TXNRD1: variants seen among roughly 807,000 people sequenced by gnomAD.
The protein encoded by TXNRD1 is thioredoxin reductase 1, cytoplasmic.
TXNRD1 carries 57 observed loss-of-function variants against 80.3 expected under a neutral mutation model. The ratio of observed to expected loss-of-function variants is 0.71; its 90% CI spans 0.57 to 0.89. TXNRD1 has a LOEUF of 0.89. TXNRD1 is among the 40% of genes least tolerant of loss of function. The pLI, the probability that TXNRD1 is intolerant of heterozygous loss-of-function variation, is 0.00. For missense variants in TXNRD1, 730 were observed against 803.0 expected, an observed-to-expected ratio of 0.91 and a Z score of 1.10; for synonymous variants, 291 against 285.2, an observed-to-expected ratio of 1.02 and a Z score of -0.20.
At chr12:104,271,869 CA>C (rs35994527) in intron 3 of TXNRD1, among the ~76,000 whole-genome samples, 7,032 of 138,028 alleles carry the variant, frequency 0.051, 192 homozygotes, top group Middle Eastern at 0.12. Flanking sequence ...GACTCCATCT[CA>C]AAAAAAAAAA....
In TXNRD1 at chr12:104,334,298, G is replaced by T. The variant is rs765296774; in HGVS notation, c.1712G>T (p.Cys571Phe). ...ATTCCGTCAAGAGATAACAACAAAT[G>T]TTATGCAAAAATAATCTGTAATACT... ...WTIPSRDNNK[C>F]YAKIICNTKD... is the part of the protein sequence containing the mutation. The change falls in exon 15 of 17, where the codon TGT becomes TTT. Residue 571 changes from cysteine to phenylalanine, a missense_variant. Coordinates refer to ENST00000525566, the MANE Select transcript of TXNRD1 (RefSeq NM_001093771.3). 2 of 1,532,198 alleles carry T rather than the reference G, an allele frequency of 1.3e-6. No individual in the cohort carries two copies. Among genetic ancestry groups the T allele is most frequent in the East Asian group, 2.4e-5 (1 of 41,152 alleles). 94.9% of individuals were successfully genotyped at this position (1,532,198 alleles called of 1,614,324 possible).
At chr12:104,286,988 C>T in intron 3 of TXNRD1, 2 of 1,281,672 alleles carry the variant, frequency 1.6e-6, no homozygotes, top group South Asian at 1.6e-5. Context: ...CGTGGCTTCT[C>T]GTAGCCATTA....
chr12:104,233,812 G>A lies in TXNRD1; in HGVS notation c.92-17715G>A, dbSNP rs189025172. 1.2e-4 allele frequency among the ~76,000 whole-genome samples: 19 copies of A among 152,208 alleles called. No individual in the cohort carries two copies. In the East Asian group the frequency reaches 1.9e-3, roughly 15 times the overall value. On this transcript the variant is annotated intron_variant, in intron 1 of 16. Coordinates refer to ENST00000525566, the MANE Select transcript of TXNRD1 (RefSeq NM_001093771.3). ...GCTGGGATTACAGGTGTGAGCCACCGCACCTGGCCCCCTTACTGAATTATT... is the reference window on the plus strand; with the variant it reads ...GCTGGGATTACAGGTGTGAGCCACCACACCTGGCCCCCTTACTGAATTATT...
intron 3 of TXNRD1, among the ~76,000 whole-genome samples, chr12:104,264,105 C>G (rs995205476): frequency 6.6e-6 from 1 of 152,312 alleles, no homozygotes; most frequent in South Asian, 2.1e-4. Context: ...TTGATACTTA[C>G]TCATTCAACA....
chr12:104,346,962 G>A (rs1195454381), intron 16 of TXNRD1, among the ~76,000 whole-genome samples: 1 of 152,130 alleles, frequency 6.6e-6, no homozygotes, highest in Admixed American at 6.5e-5. Flanking sequence ...GAGCATGGTG[G>A]CAGGTGCCTG....
At chr12:104,235,288 G>T (rs2032713821) in intron 1 of TXNRD1, among the ~76,000 whole-genome samples, 1 of 152,148 alleles carries the variant, frequency 6.6e-6, no homozygotes, top group Non-Finnish European at 1.5e-5. Flanking sequence ...GAGCAGGGGT[G>T]GGGGCTACAA....
At chr12:104,309,725 T>C (rs993212729) in intron 4 of TXNRD1, 24 of 1,455,074 alleles carry the variant, frequency 1.6e-5, no homozygotes, top group Non-Finnish European at 2.2e-5. Context: ...TTTGATCGAA[T>C]GGCTATTATT....
At chr12:104,226,429 G>A (rs2032474401) in intron 1 of TXNRD1, among the ~76,000 whole-genome samples, 2 of 152,096 alleles carry the variant, frequency 1.3e-5, no homozygotes. Context: ...ATATAATCTT[G>A]AAGCAGAAGA....
chr12:104,257,470 A>G (rs1187109454), intron 2 of TXNRD1, among the ~76,000 whole-genome samples: 2 of 148,502 alleles, frequency 1.3e-5, no homozygotes, highest in African/African-American at 5.0e-5. Context: ...GCAGTGGTAC[A>G]ATCCTGGCTC....
At chr12:104,226,026 C>T (rs981411100) in intron 1 of TXNRD1, among the ~76,000 whole-genome samples, 5 of 151,790 alleles carry the variant, frequency 3.3e-5, no homozygotes, top group Admixed American at 3.3e-4. Flanking sequence ...ATGGAGAAAC[C>T]CCATCTCTAC....
At chr12:104,235,953 G>A (rs866849957) in intron 1 of TXNRD1, among the ~76,000 whole-genome samples, 5 of 152,166 alleles carry the variant, frequency 3.3e-5, no homozygotes, top group African/African-American at 7.2e-5. Context: ...TTGTTAATCT[G>A]GGTGGTGCCA....
intron 1 of TXNRD1, among the ~76,000 whole-genome samples, chr12:104,224,296 C>G (rs549533774): frequency 9.2e-5 from 14 of 152,308 alleles, no homozygotes; most frequent in African/African-American, 2.9e-4. Context: ...TTCTGGACAT[C>G]TGTGGCTCTT....
intron 3 of TXNRD1, among the ~76,000 whole-genome samples, chr12:104,260,474 CAAACAAAAAAA>C (rs1314970127): frequency 7.9e-5 from 2 of 25,256 alleles, no homozygotes; most frequent in Non-Finnish European, 1.5e-4. Context: ...TCTCACAAAA[CAAACAAAAAAA>C]AAACACAAAA....
At chr12:104,258,930 G>A (rs1234796995) in intron 3 of TXNRD1, among the ~76,000 whole-genome samples, 1 of 151,936 alleles carries the variant, frequency 6.6e-6, no homozygotes, top group East Asian at 1.9e-4. Context: ...ACCTTGTATC[G>A]AAAAACAAAA....
At chr12:104,242,206 TGGGATTA>T (rs1370573516) in intron 1 of TXNRD1, among the ~76,000 whole-genome samples, 1 of 150,690 alleles carries the variant, frequency 6.6e-6, no homozygotes, top group Non-Finnish European at 1.5e-5. Flanking sequence ...CCCAAAGTCC[TGGGATTA>T]CAGGCATGAG....
chr12:104,223,266 A>T (rs1449445003), intron 1 of TXNRD1, among the ~76,000 whole-genome samples: 1 of 152,202 alleles, frequency 6.6e-6, no homozygotes, highest in Non-Finnish European at 1.5e-5. Flanking sequence ...TGTTTAAAAC[A>T]ACTGTGAGCA....
chr12:104,281,399 CT>C lies in TXNRD1; in HGVS notation c.305-7513del, dbSNP rs34539108. On this transcript the variant is annotated intron_variant, in intron 3 of 16. Coordinates refer to ENST00000525566, the MANE Select transcript of TXNRD1 (RefSeq NM_001093771.3). Reference sequence around the variant, plus strand: ...AGGTCTGTATATCTCCATATCTCCACTTTTTTTTTTTTTTTTTTTCTTTTTG... The same window carrying C: ...AGGTCTGTATATCTCCATATCTCCACTTTTTTTTTTTTTTTTTTCTTTTTG... Among the ~76,000 whole-genome samples the C allele has an allele frequency of 2.4e-4, 18 of 73,648 alleles. 1 individual carries two copies. Among genetic ancestry groups the C allele is most frequent in the Admixed American group, 2.0e-3 (14 of 6,990 alleles). 48.3% of individuals were successfully genotyped at this position (73,648 alleles called of 152,430 possible).
At chr12:104,265,570 A>G in intron 3 of TXNRD1, 1 of 1,608,304 alleles carries the variant, frequency 6.2e-7, no homozygotes. Context: ...TGACTCCCGG[A>G]GCGGCACCCA....
intron 3 of TXNRD1, among the ~76,000 whole-genome samples, chr12:104,260,893 C>T (rs886198396): frequency 3.3e-5 from 5 of 152,118 alleles, no homozygotes; most frequent in East Asian, 1.9e-4. Flanking sequence ...GAGGTAACAT[C>T]GGAAGAGATG....
Sources: allele counts gnomAD v4.1 joint callset (sites outside exome capture counted in the v4.1 genomes callset), GRCh38; gene constraint gnomAD v4.1.1; transcripts MANE v1.5; gene names NCBI Gene and HGNC (gene_info 2026-07-23, HGNC 2026-07-21).